MEOX1: variants seen among roughly 807,000 people sequenced by gnomAD.
MEOX1 encodes the protein mesenchyme homeobox 1.
Under a neutral mutation model 23.2 loss-of-function variants are expected in MEOX1, and 17 were observed. The observed-to-expected ratio is 0.73, with a 90% CI of 0.50 to 1.10. MEOX1 has a LOEUF of 1.10. Ranked by LOEUF, MEOX1 falls within the 50% of genes least tolerant of loss-of-function variation. MEOX1 has a pLI of 0.00. For missense variants in MEOX1, 333 were observed against 332.2 expected (o/e 1.00, Z -0.02); for synonymous variants, 134 against 135.1 (o/e 0.99, Z 0.06).
intron 1 of MEOX1, among the ~76,000 whole-genome samples, chr17:43,660,578 G>A (rs1011521892): frequency 6.6e-5 from 10 of 152,170 alleles, no homozygotes; most frequent in Admixed American, 2.0e-4. Flanking sequence ...TGGACACATA[G>A]GGTCTTGGCT....
At chr17:43,658,345 A>G (rs71382983) in intron 1 of MEOX1, among the ~76,000 whole-genome samples, 1,699 of 152,284 alleles carry the variant, frequency 0.011, 35 homozygotes, top group African/African-American at 0.039. Context: ...CGACTCTACT[A>G]AAAATACAAA....
At chr17:43,653,090 C>A (rs1972948574) in intron 1 of MEOX1, among the ~76,000 whole-genome samples, 1 of 151,256 alleles carries the variant, frequency 6.6e-6, no homozygotes. Context: ...CCTCAGCCTC[C>A]CAAAGTGCTG....
chr17:43,650,530 C>G (rs1381688511), intron 1 of MEOX1, among the ~76,000 whole-genome samples: 2 of 152,194 alleles, frequency 1.3e-5, no homozygotes, highest in East Asian at 3.8e-4. Flanking sequence ...TCACGCTGCC[C>G]TCGGGGGAGG....
intron 1 of MEOX1, among the ~76,000 whole-genome samples, chr17:43,658,986 C>G (rs1435250678): frequency 2.0e-5 from 3 of 152,210 alleles, no homozygotes; most frequent in Non-Finnish European, 4.4e-5. Flanking sequence ...CTGAAGCATG[C>G]AGGCCGTTCA....
chr17:43,655,553 G>C (rs1973000020), intron 1 of MEOX1, among the ~76,000 whole-genome samples: 1 of 151,410 alleles, frequency 6.6e-6, no homozygotes, highest in Non-Finnish European at 1.5e-5. Flanking sequence ...GCCAGGCATG[G>C]TGGCTCACAC....
intron 1 of MEOX1, among the ~76,000 whole-genome samples, chr17:43,646,837 A>C (rs1337766277): frequency 6.6e-6 from 1 of 152,114 alleles, no homozygotes; most frequent in Non-Finnish European, 1.5e-5. Context: ...ACAACAAAAA[A>C]TTAGCTGGGC....
rs747143109 is a variant in MEOX1 at position 43,661,433 on chromosome 17, C to T, written c.102G>A (p.Gly34=). Residue 34 remains glycine (G), a synonymous_variant, in exon 1 of 3, where the codon GGG becomes GGA. Transcript: ENST00000318579. ...NPHSEGNGAS[G]LPHYPPTPFS... is the part of the protein sequence containing the mutation. The stretch of plus-strand genomic sequence containing the variant: ...ACGGGGTGGGCGGGTAGTGGGGTAG[C>T]CCTGAGGCCCCATTGCCTTCCGAGT... 2.5e-6 allele frequency: 4 copies of T among 1,612,412 alleles called. No individual in the cohort carries two copies. Among genetic ancestry groups the T allele is most frequent in the East Asian group, 4.5e-5 (2 of 44,850 alleles).
At chr17:43,659,782 G>A (rs915324995) in intron 1 of MEOX1, among the ~76,000 whole-genome samples, 2 of 152,192 alleles carry the variant, frequency 1.3e-5, no homozygotes, top group South Asian at 2.1e-4. Context: ...CAAAAGAGCT[G>A]ACGTCAGTAT....
chr17:43,646,517 G>C (rs1007660481), intron 1 of MEOX1, among the ~76,000 whole-genome samples: 4 of 152,232 alleles, frequency 2.6e-5, no homozygotes, highest in African/African-American at 9.6e-5. Flanking sequence ...TAGCCCAGAG[G>C]ACCGCAGAGG....
chr17:43,659,891 C>A (rs1363769617), intron 1 of MEOX1, among the ~76,000 whole-genome samples: 1 of 152,206 alleles, frequency 6.6e-6, no homozygotes, highest in African/African-American at 2.4e-5. Flanking sequence ...TTGGGTGAGA[C>A]CCCTTTATTC....
At chr17:43,653,320 A>G (rs1972953381) in intron 1 of MEOX1, among the ~76,000 whole-genome samples, 1 of 150,526 alleles carries the variant, frequency 6.6e-6, no homozygotes, top group Admixed American at 6.6e-5. Flanking sequence ...TTGTATTTTT[A>G]GTAGAGACAG....
At chr17:43,647,481 T>G (rs539253018) in intron 1 of MEOX1, among the ~76,000 whole-genome samples, 1 of 152,198 alleles carries the variant, frequency 6.6e-6, no homozygotes, top group Non-Finnish European at 1.5e-5. Context: ...TCCATCTGAT[T>G]AGAGCCAAGG....
intron 1 of MEOX1, among the ~76,000 whole-genome samples, chr17:43,646,445 C>T (rs1051713674): frequency 6.6e-6 from 1 of 152,202 alleles, no homozygotes; most frequent in African/African-American, 2.4e-5. Context: ...GTTTCCCAAT[C>T]TTCTCCCGTC....
At chr17:43,654,352 G>C (rs1203212605) in intron 1 of MEOX1, among the ~76,000 whole-genome samples, 2 of 151,870 alleles carry the variant, frequency 1.3e-5, no homozygotes, top group African/African-American at 4.8e-5. Flanking sequence ...TACTAAAAAT[G>C]CAAAAATTAG....
intron 1 of MEOX1, among the ~76,000 whole-genome samples, chr17:43,660,427 GT>G (rs1478586551): frequency 7.9e-5 from 12 of 152,174 alleles, no homozygotes; most frequent in Admixed American, 6.5e-4. Flanking sequence ...TGAGTTGTCT[GT>G]CCCCTTGGCC....
At chr17:43,648,362 G>A (rs989762378) in intron 1 of MEOX1, among the ~76,000 whole-genome samples, 1 of 151,948 alleles carries the variant, frequency 6.6e-6, no homozygotes, top group Non-Finnish European at 1.5e-5. Flanking sequence ...CCAGCTACTG[G>A]GAAGGCTGAG....
Position 43,641,680 on chromosome 17 carries a change from T to A in MEOX1, c.*230A>T, listed in dbSNP as rs1253590827. 2 of 466,162 alleles carry A rather than the reference T, an allele frequency of 4.3e-6. No homozygotes were observed. Among genetic ancestry groups the A allele is most frequent in the Non-Finnish European group, 7.6e-6 (2 of 262,436 alleles). 28.9% of individuals were successfully genotyped at this position (466,162 alleles called of 1,614,324 possible). On this transcript the variant is annotated 3_prime_UTR_variant, in exon 3 of 3. Transcript: ENST00000318579. Reference sequence around the variant, plus strand: ...CCGGTAGGATCTCTGTCTGATTCCATGAGAGTGTGGGAGCAAAGGCCCTAG... The same window carrying A: ...CCGGTAGGATCTCTGTCTGATTCCAAGAGAGTGTGGGAGCAAAGGCCCTAG...
At position 43,642,512 on chromosome 17, in the gene MEOX1, C is replaced by A. The variant is rs117242068; in HGVS notation, c.643-480G>T. On this transcript the variant is annotated intron_variant, in intron 2 of 2. Transcript: ENST00000318579. ...AGATGGAGACCCAGAGGTCCCAGGGCTAGGAAAAGTGATAGAGGCAGGATT... is the reference window on the plus strand; with the variant it reads ...AGATGGAGACCCAGAGGTCCCAGGGATAGGAAAAGTGATAGAGGCAGGATT... Among the ~76,000 whole-genome samples, 1,217 of 152,316 alleles carry A rather than the reference C, an allele frequency of 8.0e-3. 7 individuals are homozygous for A. The highest frequency in any genetic ancestry group is 0.014 in the Middle Eastern group (4 of 294).
rs763171978 is a variant in MEOX1 at position 43,661,100 on chromosome 17, C to A, written c.435G>T (p.Glu145Asp). The A allele has an allele frequency of 4.0e-6, 6 of 1,502,868 alleles. No homozygotes were observed. In the South Asian group the frequency reaches 8.3e-5, roughly 21 times the overall value. 93.1% of individuals were successfully genotyped at this position (1,502,868 alleles called of 1,614,324 possible). A position where few individuals can be genotyped will look rare whatever the true frequency, so the allele number is the denominator to read the frequency against. Reference protein sequence around the residue: ...GVLGSTANETEKKSSRRRKES... With the variant: ...GVLGSTANETDKKSSRRRKES... ...CCTTTCTCCGCCTGGATGATTTCTT[C>A]TCTGTCTCATTGGCAGTGCTCCCAA... The change falls in exon 1 of 3, where the codon GAG becomes GAT. Residue 145 changes from glutamate (E) to aspartate (D), a missense_variant. Transcript: ENST00000318579.
Sources: gnomAD v4.1 joint callset for allele counts (sites outside exome capture counted in the v4.1 genomes callset) on GRCh38, gnomAD v4.1.1 for gene constraint, MANE v1.5 for transcripts, NCBI Gene and HGNC (gene_info 2026-07-23, HGNC 2026-07-21) for gene names.